The following ANKRD31 variants were observed in gnomAD, a reference collection of about 807,000 sequenced individuals.
The protein encoded by ANKRD31 is ankyrin repeat domain 31, also known as ankyrin repeat domain-containing protein 31.
ANKRD31 carries 147 observed loss-of-function variants against 186.0 expected under a neutral mutation model. The observed-to-expected ratio is 0.79, with a 90% CI of 0.69 to 0.91. ANKRD31 has a LOEUF of 0.91. ANKRD31 is among the 40% of genes least tolerant of loss of function. The pLI, the probability that ANKRD31 is intolerant of heterozygous loss-of-function variation, is 0.00. For synonymous variants in ANKRD31, 673 were observed against 736.4 expected (o/e 0.91, Z 1.39); for missense variants, 1,986 against 2,148.8 (o/e 0.92, Z 1.50).
chr5:75,232,100 T>G (rs1359364476), intron 1 of ANKRD31, among the ~76,000 whole-genome samples: 1 of 152,154 alleles, frequency 6.6e-6, no homozygotes, highest in Non-Finnish European at 1.5e-5. Flanking sequence ...TACTGACCAT[T>G]ACTAAGGATC....
At chr5:75,141,664 G>A (rs962840418) in intron 15 of ANKRD31, among the ~76,000 whole-genome samples, 8 of 151,968 alleles carry the variant, frequency 5.3e-5, no homozygotes, top group Admixed American at 2.6e-4. Context: ...AAAAATTAGC[G>A]GGGTGTGGTG....
At chr5:75,172,731 C>T (rs778095432) in intron 10 of ANKRD31, among the ~76,000 whole-genome samples, 21 of 152,022 alleles carry the variant, frequency 1.4e-4, no homozygotes, top group South Asian at 2.1e-4. Flanking sequence ...GGCTCTGAAA[C>T]TGAGCAATAA....
In ANKRD31 at chr5:75,137,733, G is replaced by A. The variant is rs1750706146; in HGVS notation, c.3876+123C>T. 4 of 833,742 alleles carry A rather than the reference G, an allele frequency of 4.8e-6. No homozygotes were observed. In the Admixed American group the frequency reaches 1.1e-4, roughly 23 times the overall value. The allele number at this position is 833,742 out of a possible 1,614,324, so 51.6% of individuals were successfully genotyped here. ...ATTGTATCTTCATTTGTAATTTGAA[G>A]CAGGTTTTAAAAAAATCACTTGTTT... On this transcript the variant is annotated intron_variant, in intron 17 of 25. Coordinates refer to ENST00000506364, the MANE Select transcript of ANKRD31 (RefSeq NM_001372053.1).
At chr5:75,139,160 C>A (rs1258421184) in intron 15 of ANKRD31, among the ~76,000 whole-genome samples, 177 bp from the exon 16 acceptor site, 1 of 152,120 alleles carries the variant, frequency 6.6e-6, no homozygotes, top group Non-Finnish European at 1.5e-5. Context: ...TAATAAGCAT[C>A]TAAGCACATT....
chr5:75,068,421 G>T lies in ANKRD31; in HGVS notation c.*98C>A. The T allele has an allele frequency of 8.6e-7, 1 of 1,164,414 alleles. No homozygotes were observed. The allele number at this position is 1,164,414 out of a possible 1,614,324, so 72.1% of individuals were successfully genotyped here. A position where few individuals can be genotyped will look rare whatever the true frequency, so the allele number is the denominator to read the frequency against. ...CATCCTAAATAGCAACTCATAAAGT[G>T]TATGTTAAAATAGGCCCACCAGATT... On this transcript the variant is annotated 3_prime_UTR_variant, in exon 26 of 26. Coordinates refer to ENST00000506364, the MANE Select transcript of ANKRD31 (RefSeq NM_001372053.1).
At chr5:75,192,810 A>G in intron 8 of ANKRD31, 34 bp from the exon 9 acceptor site, 10 of 1,442,560 alleles carry the variant, frequency 6.9e-6, no homozygotes, top group Non-Finnish European at 8.4e-6. Context: ...AATGGCTATA[A>G]CGGTTTTTGC....
At position 75,118,188 on chromosome 5, in the gene ANKRD31, G is replaced by T. The variant is rs1251694703; in HGVS notation, c.3986C>A (p.Ser1329Tyr). ...DDEKMKELLR[S>Y]YGAIETVNRD... ...ATTAACAGTCTCAATAGCACCATAA[G>T]ATCTTAGTAATTCTTTCATTTTTTC... The change falls in exon 18 of 26, where the codon TCT (serine) becomes TAT (tyrosine). Residue 1329 changes from serine to tyrosine, a missense_variant. By Grantham distance (144) the Ser-to-Tyr change is moderately radical. Coordinates refer to ENST00000506364, the MANE Select transcript of ANKRD31 (RefSeq NM_001372053.1). 1 of 1,526,974 alleles carries T rather than the reference G, an allele frequency of 6.5e-7. No individual in the cohort carries two copies. The highest frequency in any genetic ancestry group is 8.7e-7 in the Non-Finnish European group (1 of 1,143,874). 94.6% of individuals were successfully genotyped at this position (1,526,974 alleles called of 1,614,324 possible).
intron 22 of ANKRD31, among the ~76,000 whole-genome samples, chr5:75,102,285 C>T (rs1420140325): frequency 6.6e-6 from 1 of 152,208 alleles, no homozygotes. Flanking sequence ...CCTGATCCTT[C>T]CTCTGGAAGC....
In ANKRD31 at chr5:75,178,550, T is replaced by C. The variant is rs377310895; in HGVS notation, c.1565-9429A>G. On this transcript the variant is annotated intron_variant, in intron 10 of 25. Coordinates refer to ENST00000506364, the MANE Select transcript of ANKRD31 (RefSeq NM_001372053.1). Reference sequence around the variant, plus strand: ...ACAAACTGTCTCTCAGACCACAGTGTAATCAAACTAGAACTCAGGATTAAG... The same window carrying C: ...ACAAACTGTCTCTCAGACCACAGTGCAATCAAACTAGAACTCAGGATTAAG... Among the ~76,000 whole-genome samples, 13 of 152,048 alleles carry C rather than the reference T, an allele frequency of 8.5e-5. No homozygotes were observed. In the East Asian group the frequency reaches 1.7e-3, roughly 20 times the overall value.
chr5:75,192,360 C>T (rs969653914), intron 9 of ANKRD31, among the ~76,000 whole-genome samples: 1 of 152,042 alleles, frequency 6.6e-6, no homozygotes, highest in African/African-American at 2.4e-5. Flanking sequence ...TCCTTTATTC[C>T]TCCTGATATG....
intron 3 of ANKRD31, among the ~76,000 whole-genome samples, chr5:75,214,924 C>T (rs963839700): frequency 6.6e-6 from 1 of 152,136 alleles, no homozygotes; most frequent in Non-Finnish European, 1.5e-5. Context: ...AGAAACAGAA[C>T]CAATGGGATG....
chr5:75,124,773 A>G (rs1749088047), intron 17 of ANKRD31, among the ~76,000 whole-genome samples: 1 of 151,958 alleles, frequency 6.6e-6, no homozygotes, highest in African/African-American at 2.4e-5. Context: ...AATAATGTGT[A>G]TACATGGACA....
chr5:75,141,848 G>A (rs1249766819), intron 15 of ANKRD31, among the ~76,000 whole-genome samples: 4 of 151,986 alleles, frequency 2.6e-5, no homozygotes, highest in Non-Finnish European at 2.9e-5. Flanking sequence ...ACTGTGGATG[G>A]TATAAATTCT....
intron 10 of ANKRD31, among the ~76,000 whole-genome samples, chr5:75,172,642 A>G (rs1753432171): frequency 6.6e-6 from 1 of 152,208 alleles, no homozygotes; most frequent in African/African-American, 2.4e-5. Context: ...ATCTAGAAGA[A>G]ATGTATAAAT....
chr5:75,220,438 G>A (rs1757216779), intron 3 of ANKRD31, among the ~76,000 whole-genome samples: 1 of 151,926 alleles, frequency 6.6e-6, no homozygotes, highest in Non-Finnish European at 1.5e-5. Context: ...TCGAAAGTTC[G>A]AGACCAGCCG....
intron 17 of ANKRD31, among the ~76,000 whole-genome samples, chr5:75,131,475 A>G (rs1561454414): frequency 6.6e-6 from 1 of 152,182 alleles, no homozygotes; most frequent in Non-Finnish European, 1.5e-5. Context: ...GGCGTCCACC[A>G]TTGCTGAGGC....
chr5:75,178,421 T>G lies in ANKRD31; in HGVS notation c.1565-9300A>C, dbSNP rs565954773. ...TACAGAACTCTCCACCCCAAATCAT[T>G]AGAATATACATTCTTTTCAGCACCA... On this transcript the variant is annotated intron_variant, in intron 10 of 25. Coordinates refer to ENST00000506364, the MANE Select transcript of ANKRD31 (RefSeq NM_001372053.1). Among the ~76,000 whole-genome samples the G allele has an allele frequency of 2.6e-5, 4 of 152,174 alleles. No individual in the cohort carries two copies. The East Asian group carries it at 7.7e-4, about 29-fold the overall frequency.
At position 75,172,227 on chromosome 5, in the gene ANKRD31, T is replaced by A. The variant is rs1753385266; in HGVS notation, c.1565-3106A>T. ...CATCATGACCAGATACAGTTTATTCTAAGAATGTAAGGTTGGTTTAACATT... is the reference window on the plus strand; with the variant it reads ...CATCATGACCAGATACAGTTTATTCAAAGAATGTAAGGTTGGTTTAACATT... On this transcript the variant is annotated intron_variant, in intron 10 of 25. Transcript: ENST00000506364. Among the ~76,000 whole-genome samples, 4 of 152,076 alleles carry A rather than the reference T, an allele frequency of 2.6e-5. No individual in the cohort carries two copies. The South Asian group carries it at 6.2e-4, about 24-fold the overall frequency.
chr5:75,077,115 C>T (rs574856415), intron 25 of ANKRD31, among the ~76,000 whole-genome samples: 8 of 152,260 alleles, frequency 5.3e-5, no homozygotes, highest in South Asian at 2.1e-4. Context: ...TTTACCCAGG[C>T]TGAAATGCAA....
Sources: allele counts gnomAD v4.1 joint callset (sites outside exome capture counted in the v4.1 genomes callset), GRCh38; gene constraint gnomAD v4.1.1; transcripts MANE v1.5; gene names NCBI Gene and HGNC (gene_info 2026-07-23, HGNC 2026-07-21).